The following DAB2IP variants were observed in gnomAD, a reference collection of about 807,000 sequenced individuals.
DAB2IP encodes DAB2 interacting protein, also known as disabled homolog 2-interacting protein.
A neutral mutation model predicts 107.2 loss-of-function variants in DAB2IP; 28 were observed. The ratio of observed to expected loss-of-function variants is 0.26; its 90% CI spans 0.19 to 0.36. The LOEUF is 0.36. DAB2IP is among the 10% of genes least tolerant of loss of function. The probability of loss-of-function intolerance (pLI) is 1.00; values close to 1 mark genes in which losing one functional copy is unlikely to be tolerated. For synonymous variants in DAB2IP, 755 were observed against 706.4 expected, an observed-to-expected ratio of 1.07 and a Z score of -1.09; for missense variants, 1,400 against 1,644.7, an observed-to-expected ratio of 0.85 and a Z score of 2.57.
intron 1 of DAB2IP, 145 bp from the exon 2 acceptor site, chr9:121,678,533 A>C (rs1828395799): frequency 3.7e-6 from 2 of 534,516 alleles, no homozygotes; most frequent in East Asian, 7.0e-5. Flanking sequence ...TTTTTGGAGG[A>C]ACTGCCAGAC....
chr9:121,772,344 A>G lies in DAB2IP; in HGVS notation c.2079-263A>G, dbSNP rs2119010233. ...CCATTGTCCCAAGATGCAGCTGAAC[A>G]GGGAAGGGGTCTTCCAGGCAGCGCG... is the stretch of plus-strand genomic sequence containing the variant. On this transcript the variant is annotated intron_variant, in intron 11 of 15. Transcript: ENST00000408936. This position sits in a 1 kb window ranked among gnomAD's most constrained non-coding sequence, Gnocchi z 4.7. Among the ~76,000 whole-genome samples the G allele has an allele frequency of 6.6e-6, 1 of 152,300 alleles. No individual in the cohort carries two copies. The highest frequency in any genetic ancestry group is 2.4e-5 in the African/African-American group (1 of 41,560).
chr9:121,586,179 C>A (rs978028082), intron 1 of DAB2IP, among the ~76,000 whole-genome samples: 1 of 152,160 alleles, frequency 6.6e-6, no homozygotes, highest in Admixed American at 6.6e-5. Flanking sequence ...GGGAGGGCAC[C>A]TCCTGGCATT....
Position 121,782,188 on chromosome 9 carries a change from C to T in DAB2IP, c.3403-143C>T. The T allele has an allele frequency of 7.3e-7, 1 of 1,373,676 alleles. No individual in the cohort carries two copies. Among genetic ancestry groups the T allele is most frequent in the Non-Finnish European group, 9.7e-7 (1 of 1,031,318 alleles). 85.1% of individuals were successfully genotyped at this position (1,373,676 alleles called of 1,614,324 possible). Reference sequence around the variant, plus strand: ...TGATGCTGCAGAGGCCTCTGCCTACCTTCTCTTGCCAGCTGCTCACAGCCC... The same window carrying T: ...TGATGCTGCAGAGGCCTCTGCCTACTTTCTCTTGCCAGCTGCTCACAGCCC... On this transcript the variant is annotated intron_variant, in intron 15 of 15. Coordinates refer to ENST00000408936, the Ensembl canonical transcript of DAB2IP. The surrounding 1 kb of genome is among the most constrained non-coding windows in gnomAD (Gnocchi z 6.1).
intron 2 of DAB2IP, among the ~76,000 whole-genome samples, chr9:121,693,473 T>G (rs548083264): frequency 2.0e-5 from 3 of 152,252 alleles, no homozygotes; most frequent in Admixed American, 2.0e-4. Flanking sequence ...AGATGTGCTT[T>G]TGGCATTCGG....
chr9:121,693,544 C>A (rs1411928745), intron 2 of DAB2IP, among the ~76,000 whole-genome samples: 2 of 152,222 alleles, frequency 1.3e-5, no homozygotes, highest in African/African-American at 4.8e-5. Context: ...TTCTCCAAGG[C>A]TCTCTCTTTG....
intron 1 of DAB2IP, among the ~76,000 whole-genome samples, chr9:121,582,074 G>T (rs1297651484): frequency 6.6e-6 from 1 of 152,196 alleles, no homozygotes; most frequent in Non-Finnish European, 1.5e-5. Context: ...CAGTCATCTG[G>T]GGCCAAGAGG....
At position 121,583,289 on chromosome 9, in the gene DAB2IP, G is replaced by A. The variant is rs1207924354; in HGVS notation, c.40+16061G>A. 4.6e-5 allele frequency among the ~76,000 whole-genome samples: 7 copies of A among 152,184 alleles called. No homozygotes were observed. The South Asian group carries it at 8.3e-4, about 18-fold the overall frequency. On this transcript the variant is annotated intron_variant, in intron 1 of 16. Transcript: ENST00000259371. ...CTGTGGTGTCCCAGCAACTTGGGAG[G>A]CTGAGGCAAGAGAATTGCTTGAACC...
chr9:121,734,957 G>A (rs112088761), intron 3 of DAB2IP, among the ~76,000 whole-genome samples: 44 of 152,348 alleles, frequency 2.9e-4, no homozygotes, highest in African/African-American at 1.0e-3. Context: ...GTGGTGCTCA[G>A]AGGATGCACT....
chr9:121,759,678 A>G (rs994839351), intron 5 of DAB2IP, among the ~76,000 whole-genome samples: 1 of 152,184 alleles, frequency 6.6e-6, no homozygotes, highest in Non-Finnish European at 1.5e-5. Flanking sequence ...TTGCTTGCCC[A>G]AGGTGAGTGA....
At chr9:121,615,708 C>T (rs1471708739) in intron 1 of DAB2IP, among the ~76,000 whole-genome samples, 3 of 151,918 alleles carry the variant, frequency 2.0e-5, no homozygotes, top group Non-Finnish European at 1.5e-5. Context: ...CTCACTGCAA[C>T]CTTGGCCTCC....
intron 3 of DAB2IP, among the ~76,000 whole-genome samples, chr9:121,747,168 G>A (rs916677414): frequency 1.3e-5 from 2 of 151,988 alleles, no homozygotes; most frequent in Non-Finnish European, 2.9e-5. Flanking sequence ...TAGGGGGACT[G>A]TCACTCTCCC....
At chr9:121,695,150 T>C (rs1829358780) in intron 2 of DAB2IP, among the ~76,000 whole-genome samples, 1 of 151,996 alleles carries the variant, frequency 6.6e-6, no homozygotes, top group Admixed American at 6.5e-5. Context: ...AAAAAGTGCT[T>C]GTTTAAGAGA....
chr9:121,763,764 G>T, exon 8 of DAB2IP: 1 of 1,614,142 alleles, frequency 6.2e-7, no homozygotes, highest in African/African-American at 1.3e-5. Flanking sequence ...GTATGAGTCA[G>T]ATGAGAACTG....
At chr9:121,615,693 C>T (rs1236488586) in intron 1 of DAB2IP, among the ~76,000 whole-genome samples, 1 of 151,246 alleles carries the variant, frequency 6.6e-6, no homozygotes, top group Non-Finnish European at 1.5e-5. Flanking sequence ...GTGGCACAAT[C>T]TCAGCTCACT....
At position 121,615,752 on chromosome 9, in the gene DAB2IP, G is replaced by A. The variant is rs368266118; in HGVS notation, c.40+48524G>A. 2.0e-4 allele frequency among the ~76,000 whole-genome samples: 31 copies of A among 151,610 alleles called. 1 individual carries two copies. Among genetic ancestry groups the A allele is most frequent in the Admixed American group, 1.6e-3 (25 of 15,204 alleles). On this transcript the variant is annotated intron_variant, in intron 1 of 16. Coordinates refer to the DAB2IP transcript ENST00000259371. Reference sequence around the variant, plus strand: ...AGCGATTCTCCTGCCTCAGCCTCCCGAGTAGCTGGGATTACAGGTGCGCAC... The same window carrying A: ...AGCGATTCTCCTGCCTCAGCCTCCCAAGTAGCTGGGATTACAGGTGCGCAC...
intron 2 of DAB2IP, among the ~76,000 whole-genome samples, chr9:121,695,964 G>A (rs571034224): frequency 6.6e-6 from 1 of 152,200 alleles, no homozygotes; most frequent in African/African-American, 2.4e-5. Flanking sequence ...CACCTCCTGG[G>A]TTCATGCAAT....
chr9:121,671,696 G>A (rs12000798), intron 1 of DAB2IP, among the ~76,000 whole-genome samples: 35,941 of 151,950 alleles, frequency 0.24, 4,290 homozygotes, highest in African/African-American at 0.25. Context: ...TTTTTCACTC[G>A]ACATCATATT....
chr9:121,718,898 C>T (rs1019138719), intron 3 of DAB2IP, among the ~76,000 whole-genome samples: 1 of 152,216 alleles, frequency 6.6e-6, no homozygotes, highest in African/African-American at 2.4e-5. Context: ...CCCCCTCCCC[C>T]AGTCCTAGGC....
At chr9:121,576,692 C>A (rs1830064269) in intron 1 of DAB2IP, among the ~76,000 whole-genome samples, 1 of 152,104 alleles carries the variant, frequency 6.6e-6, no homozygotes, top group South Asian at 2.1e-4. Flanking sequence ...GATCTCTGGC[C>A]TGTGTGGCAG....
Sources: allele counts gnomAD v4.1 joint callset (sites outside exome capture counted in the v4.1 genomes callset), GRCh38; gene constraint gnomAD v4.1.1; non-coding constraint Gnocchi (gnomAD v3.1); transcripts MANE v1.5; gene names NCBI Gene and HGNC (gene_info 2026-07-23, HGNC 2026-07-21).